Variants in WDR70 observed in about 807,000 individuals in gnomAD.
The protein encoded by WDR70 is WD repeat domain 70.
A neutral mutation model predicts 88.6 loss-of-function variants in WDR70; 53 were observed. That is an observed-to-expected ratio of 0.60 (90% CI 0.48 to 0.75). The LOEUF (loss-of-function observed/expected upper bound fraction) is 0.75. WDR70 is among the 30% of genes least tolerant of loss of function. The pLI is 0.00. For missense variants in WDR70, 610 were observed against 823.2 expected, an observed-to-expected ratio of 0.74 and a Z score of 3.17; for synonymous variants, 280 against 270.0, an observed-to-expected ratio of 1.04 and a Z score of -0.36.
chr5:37,484,985 C>A (rs1260289660), intron 8 of WDR70, among the ~76,000 whole-genome samples: 1 of 152,112 alleles, frequency 6.6e-6, no homozygotes, highest in African/African-American at 2.4e-5. Flanking sequence ...GATAAACATA[C>A]CTGATCTCTA....
intron 8 of WDR70, among the ~76,000 whole-genome samples, chr5:37,484,031 C>T (rs1460862371): frequency 1.9e-4 from 29 of 151,478 alleles, no homozygotes; most frequent in East Asian, 7.8e-4. Context: ...ACTTCCTAGA[C>T]GGGATGGCGG....
intron 17 of WDR70, among the ~76,000 whole-genome samples, chr5:37,732,477 A>G (rs991715054): frequency 6.6e-6 from 1 of 152,124 alleles, no homozygotes; most frequent in Non-Finnish European, 1.5e-5. Flanking sequence ...TGGAATTAGT[A>G]TCTTTGGATG....
chr5:37,621,146 A>G (rs1483689604), intron 10 of WDR70, among the ~76,000 whole-genome samples: 1 of 152,092 alleles, frequency 6.6e-6, no homozygotes, highest in Non-Finnish European at 1.5e-5. Context: ...TGCCTCTAGA[A>G]ATCTCATCTA....
intron 10 of WDR70, among the ~76,000 whole-genome samples, chr5:37,665,354 T>C (rs1254429940): frequency 6.6e-6 from 1 of 152,224 alleles, no homozygotes; most frequent in African/African-American, 2.4e-5. Flanking sequence ...CCTTTGTACC[T>C]GCAGCTGATA....
intron 7 of WDR70, among the ~76,000 whole-genome samples, chr5:37,471,041 G>A (rs1043511865): frequency 8.6e-5 from 13 of 151,956 alleles, no homozygotes; most frequent in Admixed American, 1.3e-4. Flanking sequence ...GAGCCACCAC[G>A]CATGGCTAAT....
chr5:37,386,250 TATA>T (rs1392666785), intron 3 of WDR70, among the ~76,000 whole-genome samples: 8 of 152,260 alleles, frequency 5.3e-5, no homozygotes, highest in Admixed American at 5.2e-4. Flanking sequence ...ACTATCACAG[TATA>T]GGTACCTTGT....
intron 10 of WDR70, among the ~76,000 whole-genome samples, chr5:37,676,781 A>G (rs978109426): frequency 6.6e-6 from 1 of 151,844 alleles, no homozygotes; most frequent in African/African-American, 2.4e-5. Flanking sequence ...CTCTTTTTCT[A>G]TTGATTGGAA....
At chr5:37,436,726 A>G (rs1284810113) in intron 5 of WDR70, among the ~76,000 whole-genome samples, 1 of 152,176 alleles carries the variant, frequency 6.6e-6, no homozygotes, top group African/African-American at 2.4e-5. Context: ...AGAAGAAAAG[A>G]TAACGATTGA....
intron 10 of WDR70, among the ~76,000 whole-genome samples, chr5:37,671,754 C>G (rs1746032273): frequency 2.0e-5 from 3 of 152,116 alleles, no homozygotes; most frequent in Admixed American, 2.0e-4. Flanking sequence ...TGGATATAAA[C>G]TGACTGACTT....
chr5:37,579,841 G>C (rs185948919), intron 9 of WDR70, among the ~76,000 whole-genome samples: 3 of 151,890 alleles, frequency 2.0e-5, no homozygotes, highest in Non-Finnish European at 4.4e-5. Context: ...TTTTTCTTTA[G>C]ATCATTTCCA....
intron 3 of WDR70, among the ~76,000 whole-genome samples, chr5:37,386,488 T>A (rs1324558990): frequency 6.6e-6 from 1 of 152,150 alleles, no homozygotes; most frequent in Admixed American, 6.5e-5. Context: ...CACCACCACC[T>A]GACTGACTTT....
At chr5:37,398,335 G>A (rs1332678308) in intron 5 of WDR70, among the ~76,000 whole-genome samples, 2 of 151,490 alleles carry the variant, frequency 1.3e-5, no homozygotes, top group Non-Finnish European at 2.9e-5. Context: ...TGATCTGCCC[G>A]CCTCGGCCTC....
intron 9 of WDR70, among the ~76,000 whole-genome samples, chr5:37,526,258 A>AGC (rs1215716085): frequency 1.3e-5 from 2 of 152,238 alleles, no homozygotes; most frequent in Non-Finnish European, 2.9e-5. Context: ...AACCGAATCC[A>AGC]GCAGCCCATC....
At chr5:37,705,503 G>A (rs1561082352) in intron 13 of WDR70, among the ~76,000 whole-genome samples, 1 of 151,128 alleles carries the variant, frequency 6.6e-6, no homozygotes, top group South Asian at 2.1e-4. Context: ...GATTTAGTGA[G>A]GGTGAAGGCT....
intron 9 of WDR70, among the ~76,000 whole-genome samples, chr5:37,526,161 C>T (rs1193648018): frequency 6.6e-6 from 1 of 152,110 alleles, no homozygotes; most frequent in Non-Finnish European, 1.5e-5. Context: ...GATAGCAAAG[C>T]CTGGCAGAGA....
intron 9 of WDR70, among the ~76,000 whole-genome samples, chr5:37,547,397 T>C (rs931922903): frequency 6.6e-6 from 1 of 152,208 alleles, no homozygotes; most frequent in African/African-American, 2.4e-5. Flanking sequence ...AAAACTGTCC[T>C]TTAAATTTCT....
chr5:37,697,811 C>T, intron 11 of WDR70, 57 bp downstream of exon 11: 1 of 1,428,460 alleles, frequency 7.0e-7, no homozygotes, highest in Non-Finnish European at 9.8e-7. Context: ...TCATCTTTAA[C>T]AAATATGACA....
At chr5:37,578,341 G>T (rs1264436092) in intron 9 of WDR70, among the ~76,000 whole-genome samples, 5 of 145,672 alleles carry the variant, frequency 3.4e-5, no homozygotes, top group African/African-American at 5.0e-5. Flanking sequence ...TGCCTTTTTT[G>T]GACTCTGTAC....
intron 9 of WDR70, among the ~76,000 whole-genome samples, chr5:37,526,119 C>T (rs1741261924): frequency 6.6e-6 from 1 of 152,190 alleles, no homozygotes; most frequent in Non-Finnish European, 1.5e-5. Context: ...GGGAATCCTC[C>T]CTAACTCATT....
Sources: allele counts gnomAD v4.1 joint callset (sites outside exome capture counted in the v4.1 genomes callset), GRCh38; gene constraint gnomAD v4.1.1; transcripts MANE v1.5; gene names NCBI Gene and HGNC (gene_info 2026-07-23, HGNC 2026-07-21).